Variants in CAMTA1 observed in about 807,000 individuals in gnomAD.
The protein encoded by CAMTA1 is calmodulin-binding transcription activator 1.
A neutral mutation model predicts 170.9 loss-of-function variants in CAMTA1; 27 were observed. The observed-to-expected ratio is 0.16, with a 90% CI of 0.12 to 0.22. The LOEUF (loss-of-function observed/expected upper bound fraction) is 0.22, where lower values mean the gene tolerates loss of function less well. CAMTA1 is among the 10% of genes least tolerant of loss of function. The pLI, the probability that CAMTA1 is intolerant of heterozygous loss-of-function variation, is 1.00. For synonymous variants in CAMTA1, 833 were observed against 891.5 expected, an observed-to-expected ratio of 0.93 and a Z score of 1.17; for missense variants, 1,619 against 2,217.2, an observed-to-expected ratio of 0.73 and a Z score of 5.42.
chr1:7,581,930 T>A (rs2095264183), intron 6 of CAMTA1, among the ~76,000 whole-genome samples: 1 of 152,192 alleles, frequency 6.6e-6, no homozygotes, highest in Non-Finnish European at 1.5e-5. Context: ...GTTGTAGGGT[T>A]TACACAAAGC....
intron 4 of CAMTA1, among the ~76,000 whole-genome samples, chr1:7,120,224 A>T (rs1488351049): frequency 6.6e-6 from 1 of 152,198 alleles, no homozygotes; most frequent in Non-Finnish European, 1.5e-5. Context: ...GAGGGTCAGG[A>T]ACCCAGGCCT....
At chr1:7,575,378 G>A (rs1329918305) in intron 6 of CAMTA1, among the ~76,000 whole-genome samples, 2 of 152,150 alleles carry the variant, frequency 1.3e-5, no homozygotes, top group Non-Finnish European at 2.9e-5. Flanking sequence ...GAGGCAGGGA[G>A]GTGGGTCAGA....
chr1:6,979,744 C>G (rs1285508593), intron 3 of CAMTA1, among the ~76,000 whole-genome samples: 1 of 152,136 alleles, frequency 6.6e-6, no homozygotes, highest in Non-Finnish European at 1.5e-5. Context: ...GGTGGTGTAG[C>G]TGGGGGAGAG....
rs1641594607 is a variant in CAMTA1, at chr1:7,092,331, G to C, written c.302+960G>C. Among the ~76,000 whole-genome samples, 1 of 152,162 alleles carries C rather than the reference G, an allele frequency of 6.6e-6. No individual in the cohort carries two copies. The highest frequency in any genetic ancestry group is 2.4e-5 in the African/African-American group (1 of 41,434). On this transcript the variant is annotated intron_variant, in intron 4 of 22. Coordinates refer to ENST00000303635, the MANE Select transcript of CAMTA1 (RefSeq NM_015215.4). This position sits in a 1 kb window ranked among gnomAD's most constrained non-coding sequence, Gnocchi z 5.0. ...TGCCCGTGGCCCATCAGCTTGACCT[G>C]TTCATCCTTCCTGAGTCATGGGAAA...
At chr1:7,356,705 T>A (rs2085142152) in intron 5 of CAMTA1, among the ~76,000 whole-genome samples, 1 of 152,232 alleles carries the variant, frequency 6.6e-6, no homozygotes, top group Admixed American at 6.5e-5. Context: ...TCCTGGTGGC[T>A]GCTTTTATAG....
intron 7 of CAMTA1, among the ~76,000 whole-genome samples, chr1:7,655,044 A>G (rs2095877178): frequency 6.8e-6 from 1 of 147,702 alleles, no homozygotes; most frequent in Non-Finnish European, 1.5e-5. Context: ...ACCCACCTAT[A>G]CACACACCTA....
intron 4 of CAMTA1, among the ~76,000 whole-genome samples, chr1:7,196,029 A>AG (rs1359154907): frequency 1.3e-5 from 2 of 152,244 alleles, no homozygotes; most frequent in African/African-American, 4.8e-5. Flanking sequence ...AGAAAAAAAA[A>AG]ATGTGTGATA....
chr1:7,032,369 C>G (rs2412211), intron 3 of CAMTA1, among the ~76,000 whole-genome samples: 85,586 of 152,006 alleles, frequency 0.56, 24,449 homozygotes, highest in African/African-American at 0.65. Flanking sequence ...TGTTATTTTA[C>G]TGCTTGTTTT....
intron 11 of CAMTA1, among the ~76,000 whole-genome samples, chr1:7,704,841 G>C (rs1046380167): frequency 2.7e-5 from 4 of 148,130 alleles, no homozygotes; most frequent in Admixed American, 2.0e-4. Context: ...GGGAGCCAGT[G>C]AGCGGCGGCT....
At chr1:7,489,847 G>T (rs2093676356) in intron 6 of CAMTA1, among the ~76,000 whole-genome samples, 1 of 152,196 alleles carries the variant, frequency 6.6e-6, no homozygotes, top group South Asian at 2.1e-4. Flanking sequence ...GGTGGGACAT[G>T]TCCGTCCCCA....
intron 19 of CAMTA1, chr1:7,750,944 A>G: frequency 1.6e-6 from 1 of 628,262 alleles, no homozygotes. Flanking sequence ...TTTTTCTCCA[A>G]GAAGGGCAAG....
intron 5 of CAMTA1, among the ~76,000 whole-genome samples, chr1:7,292,638 T>G (rs1673314847): frequency 6.6e-6 from 1 of 152,202 alleles, no homozygotes; most frequent in African/African-American, 2.4e-5. Flanking sequence ...GGCTTAAATT[T>G]CTGAATTGAT....
At chr1:6,810,698 C>G (rs895882303) in intron 1 of CAMTA1, among the ~76,000 whole-genome samples, 1 of 151,840 alleles carries the variant, frequency 6.6e-6, no homozygotes, top group South Asian at 2.1e-4. Context: ...CCAGCTACTC[C>G]GGAGGCTGAG....
chr1:7,428,502 C>T (rs1015991459), intron 5 of CAMTA1, among the ~76,000 whole-genome samples: 6 of 152,150 alleles, frequency 3.9e-5, no homozygotes, highest in African/African-American at 1.4e-4. Context: ...GGTGGCTTCC[C>T]GGAGCACATA....
intron 6 of CAMTA1, among the ~76,000 whole-genome samples, chr1:7,517,943 C>CT (rs1490896353): frequency 6.6e-6 from 1 of 151,914 alleles, no homozygotes; most frequent in Non-Finnish European, 1.5e-5. Flanking sequence ...GGGTTAAGCC[C>CT]TTTGCTTACT....
chr1:7,142,409 C>A (rs892504686), intron 4 of CAMTA1, among the ~76,000 whole-genome samples: 1 of 152,192 alleles, frequency 6.6e-6, no homozygotes, highest in African/African-American at 2.4e-5. Flanking sequence ...CCAGCTCGGC[C>A]TCCAGGTCTG....
chr1:7,410,937 ATG>A (rs1403503436), intron 5 of CAMTA1, among the ~76,000 whole-genome samples: 1 of 148,114 alleles, frequency 6.8e-6, no homozygotes, highest in Admixed American at 6.7e-5. Context: ...GTCTGTGTGT[ATG>A]TGTGTATATG....
intron 3 of CAMTA1, 58 bp from the exon 4 acceptor site, chr1:7,091,246 C>G: frequency 1.6e-6 from 2 of 1,287,206 alleles, no homozygotes; most frequent in East Asian, 2.3e-5. Context: ...ACTTTCTTAC[C>G]TCTCAGGATC....
At chr1:7,559,385 GC>G (rs2094926768) in intron 6 of CAMTA1, among the ~76,000 whole-genome samples, 1 of 152,116 alleles carries the variant, frequency 6.6e-6, no homozygotes, top group African/African-American at 2.4e-5. Context: ...AGCACCTCTT[GC>G]CCTCCCTGCC....
Sources: gnomAD v4.1 joint callset for allele counts (sites outside exome capture counted in the v4.1 genomes callset) on GRCh38, gnomAD v4.1.1 for gene constraint, Gnocchi (gnomAD v3.1) non-coding constraint, MANE v1.5 for transcripts, NCBI Gene and HGNC (gene_info 2026-07-23, HGNC 2026-07-21) for gene names.